Variants in ZBTB7C observed in about 807,000 individuals in gnomAD.
ZBTB7C encodes zinc finger and BTB domain-containing protein 7C.
ZBTB7C carries 8 observed loss-of-function variants against 25.7 expected under a neutral mutation model. That is an observed-to-expected ratio of 0.31 (90% CI 0.18 to 0.56). ZBTB7C has a LOEUF of 0.56. Ranked by LOEUF, ZBTB7C falls within the 20% of genes least tolerant of loss-of-function variation. The pLI is 0.91. For synonymous variants in ZBTB7C, 394 were observed against 369.0 expected (o/e 1.07, Z -0.78); for missense variants, 824 against 855.2 (o/e 0.96, Z 0.46).
chr18:48,270,253 C>CTTTTTTTTTTT (rs760096959), intron 2 of ZBTB7C, among the ~76,000 whole-genome samples: 4 of 98,756 alleles, frequency 4.1e-5, no homozygotes, highest in Non-Finnish European at 4.0e-5. Flanking sequence ...TTCTCTCTTT[C>CTTTTTTTTTTT]TTTTTTTTTT....
intron 1 of ZBTB7C, among the ~76,000 whole-genome samples, chr18:48,371,804 A>G (rs118099831): frequency 6.6e-6 from 1 of 152,354 alleles, no homozygotes; most frequent in East Asian, 1.9e-4. Context: ...AACACTGCAG[A>G]GATTTCATTA....
At chr18:48,188,310 C>T (rs947531107) in intron 2 of ZBTB7C, among the ~76,000 whole-genome samples, 2 of 152,156 alleles carry the variant, frequency 1.3e-5, no homozygotes, top group Admixed American at 1.3e-4. Context: ...CTTCAGGAAA[C>T]TTAAAATCAT....
At chr18:48,044,320 C>T (rs2036382004) in intron 3 of ZBTB7C, among the ~76,000 whole-genome samples, 1 of 152,358 alleles carries the variant, frequency 6.6e-6, no homozygotes, top group African/African-American at 2.4e-5. Flanking sequence ...TCTGAGGCCA[C>T]CTCCTACATC....
At chr18:48,131,337 A>G (rs1348197162) in intron 3 of ZBTB7C, among the ~76,000 whole-genome samples, 1 of 152,256 alleles carries the variant, frequency 6.6e-6, no homozygotes, top group Non-Finnish European at 1.5e-5. Flanking sequence ...GGGTCATACA[A>G]GCCAAATTCC....
intron 2 of ZBTB7C, among the ~76,000 whole-genome samples, chr18:48,276,229 G>A (rs1469481471): frequency 6.7e-6 from 1 of 149,430 alleles, no homozygotes; most frequent in African/African-American, 2.5e-5. Context: ...TTCCAGCTCT[G>A]TAAATAGCTA....
At chr18:48,353,679 G>T (rs530946125) in intron 1 of ZBTB7C, among the ~76,000 whole-genome samples, 1 of 152,284 alleles carries the variant, frequency 6.6e-6, no homozygotes, top group South Asian at 2.1e-4. Context: ...GGGTGGCGGG[G>T]GCAATCCTTT....
intron 3 of ZBTB7C, among the ~76,000 whole-genome samples, chr18:48,129,037 G>A (rs930632496): frequency 6.6e-6 from 1 of 152,070 alleles, no homozygotes; most frequent in Admixed American, 6.5e-5. Context: ...AGGGGATGAG[G>A]TGAGGGGTTT....
intron 2 of ZBTB7C, among the ~76,000 whole-genome samples, chr18:48,208,447 C>T (rs1412826355): frequency 2.6e-5 from 4 of 152,042 alleles, no homozygotes; most frequent in African/African-American, 7.2e-5. Context: ...CTTTTTAAAA[C>T]CCCAGATCTT....
intron 3 of ZBTB7C, among the ~76,000 whole-genome samples, chr18:48,074,124 C>T (rs897441203): frequency 9.2e-5 from 14 of 151,974 alleles, no homozygotes; most frequent in African/African-American, 3.4e-4. Context: ...AGCAATTCTC[C>T]TGTCTCAGCC....
chr18:48,384,488 T>C (rs574736543), intron 1 of ZBTB7C, among the ~76,000 whole-genome samples: 1 of 152,264 alleles, frequency 6.6e-6, no homozygotes, highest in South Asian at 2.1e-4. Context: ...TATTGGAGAC[T>C]GAAGGGTGTG....
At chr18:48,206,997 A>G (rs1213333262) in intron 2 of ZBTB7C, among the ~76,000 whole-genome samples, 3 of 152,222 alleles carry the variant, frequency 2.0e-5, no homozygotes, top group Admixed American at 6.5e-5. Flanking sequence ...ACAACAAATA[A>G]GAAAAAAATA....
chr18:48,037,668 G>A (rs867722964), intron 4 of ZBTB7C, among the ~76,000 whole-genome samples: 15 of 152,198 alleles, frequency 9.9e-5, no homozygotes, highest in Middle Eastern at 3.2e-3. Flanking sequence ...GCCACCGTGC[G>A]ATATCCTGAG....
intron 3 of ZBTB7C, among the ~76,000 whole-genome samples, chr18:48,059,776 A>G (rs921641915): frequency 6.6e-6 from 1 of 152,208 alleles, no homozygotes; most frequent in Non-Finnish European, 1.5e-5. Flanking sequence ...TCATAAAAAA[A>G]AATACTGTGG....
At chr18:48,180,965 T>C (rs2041903471) in intron 3 of ZBTB7C, among the ~76,000 whole-genome samples, 1 of 152,190 alleles carries the variant, frequency 6.6e-6, no homozygotes, top group African/African-American at 2.4e-5. Context: ...ACTTACTGGC[T>C]GTGTGACCTT....
At chr18:48,242,421 GATT>G (rs2043554653) in intron 2 of ZBTB7C, among the ~76,000 whole-genome samples, 1 of 152,054 alleles carries the variant, frequency 6.6e-6, no homozygotes, top group South Asian at 2.1e-4. Flanking sequence ...CAATATCTCA[GATT>G]AATATAGATG....
At chr18:48,097,705 C>T (rs566018577) in intron 3 of ZBTB7C, among the ~76,000 whole-genome samples, 28 of 152,302 alleles carry the variant, frequency 1.8e-4, no homozygotes, top group African/African-American at 5.3e-4. Context: ...CGTGGATAGA[C>T]AACCACTGAG....
intron 2 of ZBTB7C, among the ~76,000 whole-genome samples, chr18:48,186,448 A>AT (rs2042057208): frequency 3.9e-5 from 6 of 152,184 alleles, no homozygotes; most frequent in African/African-American, 1.4e-4. Context: ...TAATAACACA[A>AT]TGGTAATTGC....
rs191994496 is a variant in ZBTB7C at position 48,400,131 on chromosome 18, C to T, written c.-304+9095G>A. Among the ~76,000 whole-genome samples the T allele has an allele frequency of 1.6e-3, 242 of 152,316 alleles. 1 individual carries two copies. The highest frequency in any genetic ancestry group is 5.3e-3 in the African/African-American group (221 of 41,578). Reference sequence around the variant, plus strand: ...TAATGCCCCTGCCCCATCTCCAAAACGCACTGTTTTAAAAACTCATGGTGA... The same window carrying T: ...TAATGCCCCTGCCCCATCTCCAAAATGCACTGTTTTAAAAACTCATGGTGA... On this transcript the variant is annotated intron_variant, in intron 1 of 4. Coordinates refer to ENST00000590800, the MANE Select transcript of ZBTB7C (RefSeq NM_001318841.2).
chr18:48,117,247 T>C (rs906138191), intron 3 of ZBTB7C, among the ~76,000 whole-genome samples: 1 of 152,228 alleles, frequency 6.6e-6, no homozygotes, highest in African/African-American at 2.4e-5. Flanking sequence ...GAAATTTAGA[T>C]GCCTCAAAAT....
Sources: gnomAD v4.1 joint callset for allele counts (sites outside exome capture counted in the v4.1 genomes callset) on GRCh38, gnomAD v4.1.1 for gene constraint, MANE v1.5 for transcripts, NCBI Gene and HGNC (gene_info 2026-07-23, HGNC 2026-07-21) for gene names.